RAB38: variants seen among roughly 807,000 people sequenced by gnomAD.
RAB38 encodes the protein ras-related protein Rab-38.
RAB38 carries 15 observed loss-of-function variants against 18.4 expected under a neutral mutation model. The observed-to-expected ratio is 0.82, with a 90% confidence interval of 0.55 to 1.26. The LOEUF (loss-of-function observed/expected upper bound fraction) is 1.26, where lower values mean the gene tolerates loss of function less well. RAB38 is among the 50% of genes most tolerant of loss of function. RAB38 has a pLI of 0.00. For synonymous variants in RAB38, 101 were observed against 104.4 expected (o/e 0.97, Z 0.20); for missense variants, 294 against 267.4 (o/e 1.10, Z -0.69).
At chr11:87,842,816 GCACACACACACA>G in the RAB38 span, among the ~76,000 whole-genome samples, 144 of 147,350 alleles carry the variant, frequency 9.8e-4, no homozygotes, top group Middle Eastern at 0.01. Context: ...ACACGCGCGC[GCACACACACACA>G]CACACACACA....
At chr11:88,093,371 A>G in the RAB38 span, among the ~76,000 whole-genome samples, 2 of 151,930 alleles carry the variant, frequency 1.3e-5, no homozygotes, top group Admixed American at 1.3e-4. Context: ...GGAGGGTGGC[A>G]ATTGGAAGTG....
the RAB38 span, among the ~76,000 whole-genome samples, chr11:87,804,812 G>C: frequency 6.6e-6 from 1 of 152,020 alleles, no homozygotes. Flanking sequence ...CTGTTTACAT[G>C]ATAAAAATAC....
chr11:87,940,165 AC>A, the RAB38 span, among the ~76,000 whole-genome samples: 1 of 123,076 alleles, frequency 8.1e-6, no homozygotes, highest in African/African-American at 2.7e-5. Context: ...CCCAGATAAT[AC>A]AAAAAAAAAA....
At chr11:88,044,209 A>G in the RAB38 span, among the ~76,000 whole-genome samples, 9 of 152,156 alleles carry the variant, frequency 5.9e-5, no homozygotes, top group Non-Finnish European at 4.4e-5. Context: ...CACGTTTCAG[A>G]GGTGTCTGAC....
the RAB38 span, among the ~76,000 whole-genome samples, chr11:88,028,284 C>A: frequency 6.6e-6 from 1 of 152,116 alleles, no homozygotes; most frequent in Admixed American, 6.5e-5. Context: ...GGGGAAAAAA[C>A]AGAACAGAAA....
At chr11:87,855,604 C>T in the RAB38 span, among the ~76,000 whole-genome samples, 1 of 152,176 alleles carries the variant, frequency 6.6e-6, no homozygotes, top group African/African-American at 2.4e-5. Flanking sequence ...CTAAAATATA[C>T]TTTGCAAATA....
intron 2 of RAB38, among the ~76,000 whole-genome samples, chr11:88,136,075 G>T (rs1942831098): frequency 1.3e-5 from 2 of 152,208 alleles, no homozygotes; most frequent in Admixed American, 1.3e-4. Context: ...TGAGCATTCT[G>T]TCATTGGCTT....
intron 2 of RAB38, among the ~76,000 whole-genome samples, chr11:88,122,664 A>G (rs1456254133): frequency 6.6e-6 from 1 of 152,218 alleles, no homozygotes; most frequent in Non-Finnish European, 1.5e-5. Flanking sequence ...AGATGAGGAG[A>G]CTGAGACACA....
At chr11:87,890,471 A>T in the RAB38 span, among the ~76,000 whole-genome samples, 1 of 151,840 alleles carries the variant, frequency 6.6e-6, no homozygotes, top group Non-Finnish European at 1.5e-5. Context: ...GTGACCATCT[A>T]AAATTCATAT....
chr11:87,805,107 G>C, the RAB38 span, among the ~76,000 whole-genome samples: 1 of 152,156 alleles, frequency 6.6e-6, no homozygotes. Flanking sequence ...GCACTGAAAA[G>C]CTACTTTTCA....
chr11:88,171,360 A>T (rs762937706), intron 1 of RAB38, among the ~76,000 whole-genome samples: 6 of 152,226 alleles, frequency 3.9e-5, no homozygotes, highest in Non-Finnish European at 8.8e-5. Context: ...AGTGATAATA[A>T]ACCTTTTGCT....
the RAB38 span, among the ~76,000 whole-genome samples, chr11:87,878,261 T>C: frequency 3.0e-5 from 3 of 100,458 alleles, no homozygotes; most frequent in Non-Finnish European, 5.8e-5. Flanking sequence ...CATCTATCTA[T>C]CTATCTATCT....
chr11:87,862,405 A>T, the RAB38 span, among the ~76,000 whole-genome samples: 1 of 151,976 alleles, frequency 6.6e-6, no homozygotes, highest in African/African-American at 2.4e-5. Context: ...AAATTAACAC[A>T]GCACAGCAAA....
the RAB38 span, among the ~76,000 whole-genome samples, chr11:87,975,284 A>G: frequency 1.2e-4 from 18 of 151,902 alleles, no homozygotes; most frequent in Non-Finnish European, 2.1e-4. Flanking sequence ...GTTCCAGGTC[A>G]CATGAATTTT....
chr11:88,124,691 C>A (rs936872888), intron 2 of RAB38, among the ~76,000 whole-genome samples: 27 of 152,066 alleles, frequency 1.8e-4, no homozygotes, highest in African/African-American at 6.5e-4. Flanking sequence ...GGAGGCAGCA[C>A]TTAGAATATG....
chr11:87,807,166 C>T, the RAB38 span, among the ~76,000 whole-genome samples: 1 of 152,192 alleles, frequency 6.6e-6, no homozygotes, highest in African/African-American at 2.4e-5. Context: ...ATCCCAAGAC[C>T]ATCCCCCACA....
the RAB38 span, among the ~76,000 whole-genome samples, chr11:87,854,007 C>T: frequency 6.6e-6 from 1 of 152,166 alleles, no homozygotes; most frequent in Admixed American, 6.5e-5. Flanking sequence ...CCAGCAATGA[C>T]AGGTCTCGTT....
the RAB38 span, among the ~76,000 whole-genome samples, chr11:88,058,095 C>A: frequency 6.6e-6 from 1 of 152,096 alleles, no homozygotes; most frequent in African/African-American, 2.4e-5. Context: ...AAAAGATAAA[C>A]CAGAGGCATT....
chr11:88,078,662 G>T, the RAB38 span, among the ~76,000 whole-genome samples: 2 of 151,952 alleles, frequency 1.3e-5, no homozygotes, highest in East Asian at 3.9e-4. Context: ...TCATATTTGG[G>T]AGCTTAAAAA....
Sources: gnomAD v4.1 joint callset for allele counts (sites outside exome capture counted in the v4.1 genomes callset) on GRCh38, gnomAD v4.1.1 for gene constraint, MANE v1.5 for transcripts, NCBI Gene and HGNC (gene_info 2026-07-23, HGNC 2026-07-21) for gene names.